SUZ12: variants seen among roughly 807,000 people sequenced by gnomAD.
SUZ12 encodes the protein polycomb protein SUZ12.
SUZ12 carries 17 observed loss-of-function variants against 87.3 expected under a neutral mutation model. The observed-to-expected ratio is 0.19, with a 90% CI of 0.13 to 0.29. The LOEUF is 0.29. Among genes scored for constraint, SUZ12 ranks in the 10% least tolerant of loss-of-function variants. SUZ12 has a pLI of 1.00. For missense variants in SUZ12, 526 were observed against 912.2 expected (o/e 0.58, Z 5.45); for synonymous variants, 253 against 312.4 (o/e 0.81, Z 2.01).
chr17:31,986,412 T>A lies in SUZ12; in HGVS notation c.1024-1908T>A, dbSNP rs528680275. Among the ~76,000 whole-genome samples, 88 of 152,324 alleles carry A rather than the reference T, an allele frequency of 5.8e-4. 1 individual carries two copies. Among genetic ancestry groups the A allele is most frequent in the Middle Eastern group, 6.8e-3 (2 of 294 alleles). On this transcript the variant is annotated intron_variant, in intron 9 of 15. Coordinates refer to ENST00000322652, the MANE Select transcript of SUZ12 (RefSeq NM_015355.4). Reference sequence around the variant, plus strand: ...GATAATTGGGTTATTTGATTTTTTTTAATCTTGTCAAAAATGTTAATAGTG... The same window carrying A: ...GATAATTGGGTTATTTGATTTTTTTAAATCTTGTCAAAAATGTTAATAGTG...
intron 8 of SUZ12, among the ~76,000 whole-genome samples, chr17:31,976,951 C>G (rs568431720): frequency 6.6e-6 from 1 of 152,244 alleles, no homozygotes; most frequent in South Asian, 2.1e-4. Context: ...CAGACCACCA[C>G]CCAAAAAATC....
chr17:31,980,316 G>C (rs1909020710), intron 8 of SUZ12, among the ~76,000 whole-genome samples: 1 of 150,098 alleles, frequency 6.7e-6, no homozygotes. Context: ...TGCTCAAATT[G>C]TCTCATATTT....
intron 9 of SUZ12, among the ~76,000 whole-genome samples, chr17:31,984,505 G>A (rs996115681): frequency 7.2e-5 from 11 of 152,072 alleles, no homozygotes; most frequent in Middle Eastern, 3.2e-3. Flanking sequence ...AAAAATTGTC[G>A]GGTTAAAATT....
chr17:31,968,094 T>C (rs1269793972), intron 5 of SUZ12, among the ~76,000 whole-genome samples: 3 of 152,130 alleles, frequency 2.0e-5, no homozygotes, highest in Admixed American at 2.0e-4. Flanking sequence ...TGCTTGAGTC[T>C]TGGAGGTTGA....
intron 4 of SUZ12, among the ~76,000 whole-genome samples, chr17:31,961,129 T>G (rs1342568086): frequency 6.6e-6 from 1 of 152,072 alleles, no homozygotes; most frequent in African/African-American, 2.4e-5. Context: ...GGAGAATGGC[T>G]TGAACCCTGG....
intron 6 of SUZ12, among the ~76,000 whole-genome samples, 164 bp downstream of exon 6, chr17:31,973,395 G>T (rs1188618783): frequency 6.6e-6 from 1 of 152,076 alleles, no homozygotes; most frequent in Non-Finnish European, 1.5e-5. Flanking sequence ...TTGCCAACTC[G>T]CATATCTGTG....
At chr17:31,994,541 T>C in intron 12 of SUZ12, 23 bp from the exon 13 acceptor site, 3 of 1,563,052 alleles carry the variant, frequency 1.9e-6, no homozygotes, top group Non-Finnish European at 2.6e-6. Flanking sequence ...TAATATATTT[T>C]TTTTTTTACA....
intron 4 of SUZ12, among the ~76,000 whole-genome samples, chr17:31,962,829 T>C (rs73988496): frequency 0.14 from 19,435 of 143,272 alleles, no homozygotes; most frequent in African/African-American, 0.26. Context: ...AAAGGAATGA[T>C]AGATAAAAAG....
chr17:31,996,588 C>A (rs1339110496), intron 14 of SUZ12, among the ~76,000 whole-genome samples: 1 of 152,180 alleles, frequency 6.6e-6, no homozygotes, highest in Non-Finnish European at 1.5e-5. Flanking sequence ...CACTGTACTT[C>A]AGCCTGGGCG....
chr17:31,942,342 T>C (rs1327036992), intron 3 of SUZ12, among the ~76,000 whole-genome samples: 2 of 152,002 alleles, frequency 1.3e-5, no homozygotes, highest in African/African-American at 4.8e-5. Context: ...GTTTTGTTTT[T>C]ATTTTTTTTT....
At chr17:31,965,959 G>A (rs1208975856) in intron 4 of SUZ12, 188 bp from the exon 5 acceptor site, 3 of 517,084 alleles carry the variant, frequency 5.8e-6, no homozygotes, top group Non-Finnish European at 6.8e-6. Context: ...TTTGTTAGGT[G>A]TATAGACACA....
In SUZ12 at chr17:31,966,130, C is replaced by CTTTTT. The variant is rs79205882; in HGVS notation, c.456-7_456-3dup. ...GAGCATTACAATGATAAAATATTTC[C>CTTTTT]TTTTTTTTTTTTTTAGCTTGTCAGC... is the stretch of plus-strand genomic sequence containing the variant. On this transcript the variant is annotated splice_polypyrimidine_tract_variant and intron_variant, in intron 4 of 15. Transcript: ENST00000322652. 1 of 1,420,088 alleles carries CTTTTT rather than the reference C, an allele frequency of 7.0e-7. No homozygotes were observed. Among genetic ancestry groups the CTTTTT allele is most frequent in the Non-Finnish European group, 9.5e-7 (1 of 1,049,784 alleles). The allele number at this position is 1,420,088 out of a possible 1,614,324, so 88.0% of individuals were successfully genotyped here. A position where few individuals can be genotyped will look rare whatever the true frequency, so the allele number is the denominator to read the frequency against.
chr17:31,992,757 A>T (rs1909786664), intron 10 of SUZ12, among the ~76,000 whole-genome samples: 1 of 143,896 alleles, frequency 6.9e-6, no homozygotes, highest in Admixed American at 7.2e-5. Flanking sequence ...ATCCAGGCGG[A>T]AGTGCAGTGG....
chr17:31,985,181 A>AG (rs1491269060), intron 9 of SUZ12, among the ~76,000 whole-genome samples: 2 of 144,034 alleles, frequency 1.4e-5, no homozygotes, highest in Non-Finnish European at 3.0e-5. Context: ...AAAAAAAAAA[A>AG]GGTTGATACA....
chr17:31,977,782 A>G (rs879633424), intron 8 of SUZ12, among the ~76,000 whole-genome samples: 15 of 152,028 alleles, frequency 9.9e-5, no homozygotes, highest in Non-Finnish European at 1.3e-4. Context: ...CCAGCTACTC[A>G]GGAGGCCGAG....
intron 4 of SUZ12, among the ~76,000 whole-genome samples, chr17:31,962,468 T>C (rs1907787606): frequency 6.6e-6 from 1 of 151,990 alleles, no homozygotes; most frequent in Non-Finnish European, 1.5e-5. Flanking sequence ...TGCATGCCTA[T>C]AGTCTCAGCT....
In SUZ12 at chr17:31,995,553, C is replaced by T; in HGVS notation, c.1596-11C>T. ...AGAGGCCATAAATCAACATTTATTT[C>T]TTTTCATTAGGCCAAAACGAACAAA... On this transcript the variant is annotated splice_polypyrimidine_tract_variant and intron_variant, in intron 13 of 15. Coordinates refer to ENST00000322652, the MANE Select transcript of SUZ12 (RefSeq NM_015355.4). 1 of 1,613,210 alleles carries T rather than the reference C, an allele frequency of 6.2e-7. No individual in the cohort carries two copies. Among genetic ancestry groups the T allele is most frequent in the Non-Finnish European group, 8.5e-7 (1 of 1,179,430 alleles).
intron 3 of SUZ12, among the ~76,000 whole-genome samples, chr17:31,941,345 C>T (rs1019377251): frequency 6.6e-6 from 1 of 151,842 alleles, no homozygotes; most frequent in Non-Finnish European, 1.5e-5. Context: ...CGATCTCTGC[C>T]TCCTGGGTTT....
intron 3 of SUZ12, among the ~76,000 whole-genome samples, chr17:31,943,422 A>G (rs528971808): frequency 3.3e-5 from 5 of 152,330 alleles, no homozygotes; most frequent in Middle Eastern, 3.4e-3. Flanking sequence ...TTAAAATACA[A>G]CAATATAAGA....
Sources: gnomAD v4.1 joint callset for allele counts (sites outside exome capture counted in the v4.1 genomes callset) on GRCh38, gnomAD v4.1.1 for gene constraint, MANE v1.5 for transcripts, NCBI Gene and HGNC (gene_info 2026-07-23, HGNC 2026-07-21) for gene names.